The following EGLN2 variants were observed in gnomAD, a reference collection of about 807,000 sequenced individuals.
EGLN2 encodes egl-9 family hypoxia inducible factor 2.
Under a neutral mutation model 38.2 loss-of-function variants are expected in EGLN2, and 15 were observed. The observed-to-expected ratio is 0.39, with a 90% CI of 0.26 to 0.60. The LOEUF (loss-of-function observed/expected upper bound fraction) is 0.60. Ranked by LOEUF, EGLN2 falls within the 20% of genes least tolerant of loss-of-function variation. EGLN2 has a pLI of 0.50. For synonymous variants in EGLN2, 284 were observed against 237.4 expected (o/e 1.20, Z -1.81); for missense variants, 492 against 570.4 (o/e 0.86, Z 1.40).
At chr19:40,807,083 G>A in intron 3 of EGLN2, 55 bp from the exon 4 acceptor site, 3 of 1,602,598 alleles carry the variant, frequency 1.9e-6, no homozygotes, top group Non-Finnish European at 2.6e-6. Flanking sequence ...GGGCACCGTG[G>A]GAGGCAGCGG....
Position 40,807,838 on chromosome 19 carries a change from G to A in EGLN2, c.1198G>A (p.Val400Ile). The A allele has an allele frequency of 6.2e-7, 1 of 1,614,172 alleles. No individual in the cohort carries two copies. Among genetic ancestry groups the A allele is most frequent in the Admixed American group, 1.7e-5 (1 of 60,018 alleles). Residue 400 changes from valine to isoleucine, a missense_variant, in exon 6 of 6, where the codon GTA becomes ATA. Val to Ile is a conservative substitution (Grantham distance 29). Transcript: ENST00000303961. ...ASGQKGVQVP[V>I]SQPPTPT ...AGGACAGAAAGGTGTCCAAGTACCT[G>A]TATCACAGCCGCCTACGCCCACCTA...
At position 40,800,600 on chromosome 19, in the gene EGLN2, C is replaced by G; in HGVS notation, c.28C>G (p.Leu10Val). 4 of 1,611,122 alleles carry G rather than the reference C, an allele frequency of 2.5e-6. No homozygotes were observed. The highest frequency in any genetic ancestry group is 3.4e-6 in the Non-Finnish European group (4 of 1,178,738). MDSPCQPQP[L>V]SQALPQLPGS... ...GGACAGCCCGTGCCAGCCGCAGCCC[C>G]TAAGTCAGGCTCTCCCTCAGTTACC... Residue 10 changes from leucine to valine, a missense_variant, in exon 2 of 6, where the codon CTA (leucine) becomes GTA (valine). Transcript: ENST00000303961.
intron 2 of EGLN2, among the ~76,000 whole-genome samples, chr19:40,801,808 CCTGCGGCCTT>C (rs981142978): frequency 2.0e-5 from 3 of 151,634 alleles, no homozygotes; most frequent in African/African-American, 7.3e-5. Context: ...GGCAGAGGAC[CCTGCGGCCTT>C]CTGCGTGTTT....
At chr19:40,802,983 C>T (rs2083273901) in intron 2 of EGLN2, among the ~76,000 whole-genome samples, 1 of 152,252 alleles carries the variant, frequency 6.6e-6, no homozygotes, top group Non-Finnish European at 1.5e-5. Flanking sequence ...CCTGTTTCCT[C>T]CCCACCCCAG....
At chr19:40,803,481 C>T (rs766294298) in intron 2 of EGLN2, among the ~76,000 whole-genome samples, 12 of 152,280 alleles carry the variant, frequency 7.9e-5, no homozygotes, top group South Asian at 2.1e-4. Flanking sequence ...CAGGCTTTCC[C>T]GCTTTTAGAT....
intron 5 of EGLN2, 29 bp from the exon 6 acceptor site, chr19:40,807,776 GACTC>G (rs1413664806): frequency 7.4e-6 from 12 of 1,611,520 alleles, no homozygotes; most frequent in Non-Finnish European, 9.3e-6. Context: ...TCCTTCTGAT[GACTC>G]ACTGTCTCCT....
At chr19:40,799,793 C>T in intron 1 of EGLN2, 1 of 152,670 alleles carries the variant, frequency 6.6e-6, no homozygotes, top group Non-Finnish European at 1.5e-5. Context: ...CCCCACCGTC[C>T]CGCTCCGCCC....
Position 40,806,581 on chromosome 19 carries a change from C to G in EGLN2, c.870C>G (p.Asn290Lys). The change falls in exon 3 of 6, where the codon AAC (asparagine) becomes AAG (lysine). Residue 290 changes from asparagine to lysine, a missense_variant. Physicochemically the swap from Asn to Lys is moderately conservative, Grantham distance 94. This residue lies in a region of EGLN2 where 114 missense variants were observed against 184.2 expected (regional missense o/e 0.62). Transcript: ENST00000303961. ...TKAMVACYPGNGLGYVRHVDN... is the reference protein window; with the variant it reads ...TKAMVACYPGKGLGYVRHVDN... ...CCATGGTGGCGTGTTACCCAGGCAACGGGCTCGGGTACGTAAGGCACGTTG... is the reference window on the plus strand; with the variant it reads ...CCATGGTGGCGTGTTACCCAGGCAAGGGGCTCGGGTACGTAAGGCACGTTG... 6.2e-7 allele frequency: 1 copy of G among 1,614,020 alleles called. No homozygotes were observed. Among genetic ancestry groups the G allele is most frequent in the Non-Finnish European group, 8.5e-7 (1 of 1,179,936 alleles).
Position 40,800,802 on chromosome 19 carries a change from G to A in EGLN2, c.230G>A (p.Arg77Gln), listed in dbSNP as rs541800008. ...ACCTCTACCACTGCCAGCCCTCTTCGGGACGGTTTTGGCGGGCAGGATGGT... is the reference window on the plus strand; with the variant it reads ...ACCTCTACCACTGCCAGCCCTCTTCAGGACGGTTTTGGCGGGCAGGATGGT... ...TATSTTASPL[R>Q]DGFGGQDGGE... is the part of the protein sequence containing the mutation. The change falls in exon 2 of 6, where the codon CGG becomes CAG. Residue 77 changes from arginine to glutamine, a missense_variant. Transcript: ENST00000303961. The A allele has an allele frequency of 5.0e-6, 8 of 1,613,544 alleles. No individual in the cohort carries two copies. The African/African-American group carries it at 9.3e-5, about 19-fold the overall frequency.
chr19:40,799,959 G>A (rs1365018055), intron 1 of EGLN2: 1 of 136,680 alleles, frequency 7.3e-6, no homozygotes, highest in Non-Finnish European at 1.5e-5. Context: ...TGTCTTTCTG[G>A]AACGCCGAGG....
intron 2 of EGLN2, among the ~76,000 whole-genome samples, chr19:40,801,644 A>C (rs1201380310): frequency 7.2e-6 from 1 of 139,850 alleles, no homozygotes; most frequent in Admixed American, 7.4e-5. Flanking sequence ...CTGGAGCCAC[A>C]GTGGTTCTTT....
In EGLN2 at chr19:40,801,559, C is replaced by G. The variant is rs546517700; in HGVS notation, c.843+144C>G. ...CAGTTCAGTGGAGTGGGTATGCTTA[C>G]TTGTGGGGACTTGGGGGGGTCTTTA... is the stretch of plus-strand genomic sequence containing the variant. On this transcript the variant is annotated intron_variant, in intron 2 of 5. Transcript: ENST00000303961. 3.4e-3 allele frequency: 3,940 copies of G among 1,152,710 alleles called. 7 individuals are homozygous for G. Among genetic ancestry groups the G allele is most frequent in the Non-Finnish European group, 4.3e-3 (3,619 of 838,526 alleles). 71.4% of individuals were successfully genotyped at this position (1,152,710 alleles called of 1,614,324 possible). A position where few individuals can be genotyped will look rare whatever the true frequency, so the allele number is the denominator to read the frequency against.
rs1299719069 is a variant in EGLN2 at position 40,800,785 on chromosome 19, C to T, written c.213C>T (p.Thr71=). The T allele has an allele frequency of 3.1e-6, 5 of 1,613,328 alleles. No individual in the cohort carries two copies. In the African/African-American group the frequency reaches 4.0e-5, roughly 13 times the overall value. The stretch of plus-strand genomic sequence containing the variant: ...CCCCCAGAGCCACAGCCACCTCTAC[C>T]ACTGCCAGCCCTCTTCGGGACGGTT... ...SGTPRATATS[T]TASPLRDGFG... Residue 71 remains threonine (T), a synonymous_variant, in exon 2 of 6, where the codon ACC becomes ACT. Coordinates refer to ENST00000303961, the MANE Select transcript of EGLN2 (RefSeq NM_080732.4).
At chr19:40,806,947 C>G (rs1305737286) in intron 3 of EGLN2, 191 bp from the exon 4 acceptor site, 1 of 1,018,424 alleles carries the variant, frequency 9.8e-7, no homozygotes, top group African/African-American at 1.6e-5. Flanking sequence ...TCCCCCTTTT[C>G]CTGTCTTTAG....
chr19:40,807,760 T>G, intron 5 of EGLN2, 49 bp from the exon 6 acceptor site: 5 of 1,604,220 alleles, frequency 3.1e-6, no homozygotes, highest in South Asian at 1.1e-5. Flanking sequence ...TCCCTTGGCT[T>G]CTTTGTCCTT....
rs935308164 is a variant in EGLN2, at chr19:40,800,488, TGGAGGCGGAGGA to T, written c.-70_-59del. 369 of 1,461,392 alleles carry T rather than the reference TGGAGGCGGAGGA, an allele frequency of 2.5e-4. No homozygotes were observed. The South Asian group carries it at 2.9e-3, about 11-fold the overall frequency. 90.5% of individuals were successfully genotyped at this position (1,461,392 alleles called of 1,614,324 possible). A position where few individuals can be genotyped will look rare whatever the true frequency, so the allele number is the denominator to read the frequency against. On this transcript the variant is annotated 5_prime_UTR_variant, in exon 2 of 6. Coordinates refer to ENST00000303961, the MANE Select transcript of EGLN2 (RefSeq NM_080732.4). ...CCCGGTGGCCCCCAGCTGCATCAAG[TGGAGGCGGAGGA>T]GGAGGCGGAGGAGGGTGGCACCATG...
intron 2 of EGLN2, 57 bp from the exon 3 acceptor site, chr19:40,806,498 T>C: frequency 6.9e-6 from 11 of 1,604,298 alleles, no homozygotes; most frequent in South Asian, 1.1e-5. Flanking sequence ...TCATGGCTGC[T>C]TCTCTAAGAT....
At chr19:40,801,952 C>T (rs1403456050) in intron 2 of EGLN2, among the ~76,000 whole-genome samples, 1 of 152,096 alleles carries the variant, frequency 6.6e-6, no homozygotes, top group Admixed American at 6.6e-5. Context: ...GAGCTGCTGA[C>T]ATTCACAGCG....
chr19:40,806,732 C>T (rs2083304275), intron 3 of EGLN2, 58 bp downstream of exon 3: 15 of 1,588,582 alleles, frequency 9.4e-6, no homozygotes, highest in Non-Finnish European at 1.1e-5. Context: ...GCGGGGGTGG[C>T]GTGCGTCCAC....
Sources: gnomAD v4.1 joint callset for allele counts (sites outside exome capture counted in the v4.1 genomes callset) on GRCh38, gnomAD v4.1.1 for gene constraint, gnomAD v4.1.1 regional missense constraint, MANE v1.5 for transcripts, NCBI Gene and HGNC (gene_info 2026-07-23, HGNC 2026-07-21) for gene names.